STIM1: variants seen among roughly 807,000 people sequenced by gnomAD.
STIM1 encodes stromal interaction molecule 1.
In STIM1, 25 loss-of-function variants were observed where a neutral mutation model predicts 74.7. The observed-to-expected ratio is 0.33, with a 90% CI of 0.24 to 0.47. The LOEUF (loss-of-function observed/expected upper bound fraction) is 0.47, where lower values mean the gene tolerates loss of function less well. Ranked by LOEUF, STIM1 falls within the 20% of genes least tolerant of loss-of-function variation. The pLI, the probability that STIM1 is intolerant of heterozygous loss-of-function variation, is 1.00. For synonymous variants in STIM1, 328 were observed against 348.8 expected, an observed-to-expected ratio of 0.94 and a Z score of 0.66; for missense variants, 728 against 920.8, an observed-to-expected ratio of 0.79 and a Z score of 2.71.
At chr11:4,081,478 C>T (rs1360516218) in intron 7 of STIM1, among the ~76,000 whole-genome samples, 1 of 152,222 alleles carries the variant, frequency 6.6e-6, no homozygotes, top group Non-Finnish European at 1.5e-5. Flanking sequence ...AGCCCACTTG[C>T]TCTACTCCCT....
In STIM1 at chr11:3,866,604, T is replaced by C. The variant is rs188956326; in HGVS notation, c.139+10195T>C. The stretch of plus-strand genomic sequence containing the variant: ...ACCATGCCCAGCTAATTTTTGTATA[T>C]TTAGTAGAGACGGGGTTTCACCATG... On this transcript the variant is annotated intron_variant, in intron 1 of 12. Transcript: ENST00000526596. 4.6e-5 allele frequency among the ~76,000 whole-genome samples: 7 copies of C among 152,164 alleles called. No individual in the cohort carries two copies. In the East Asian group the frequency reaches 1.4e-3, roughly 29 times the overall value.
intron 1 of STIM1, among the ~76,000 whole-genome samples, chr11:3,864,930 C>T (rs1210444669): frequency 6.6e-6 from 1 of 152,160 alleles, no homozygotes; most frequent in East Asian, 1.9e-4. Flanking sequence ...CATGACCTAT[C>T]CTTTTTTCCT....
chr11:3,900,337 C>T (rs1030804914), intron 1 of STIM1, among the ~76,000 whole-genome samples: 1 of 152,172 alleles, frequency 6.6e-6, no homozygotes, highest in African/African-American at 2.4e-5. Context: ...TGCCGTCTGT[C>T]GTCCCTTTCT....
At chr11:4,006,619 G>C (rs2093784218) in intron 2 of STIM1, among the ~76,000 whole-genome samples, 1 of 152,130 alleles carries the variant, frequency 6.6e-6, no homozygotes, top group African/African-American at 2.4e-5. Flanking sequence ...TGACCATGTT[G>C]GCCAGGCTGG....
At position 3,989,364 on chromosome 11, in the gene STIM1, C is replaced by T. The variant is rs1202344442; in HGVS notation, c.270+21682C>T. ...CTGCTGCCTTTTTCGGCTTCGCTTC[C>T]ACTTTTGCAGGAGCAGGTTTAGCAG... On this transcript the variant is annotated intron_variant, in intron 2 of 12. Transcript: ENST00000526596. 3.8e-6 allele frequency: 3 copies of T among 790,196 alleles called. No homozygotes were observed. The African/African-American group carries it at 5.1e-5, about 13-fold the overall frequency. The allele number at this position is 790,196 out of a possible 1,614,324, so 48.9% of individuals were successfully genotyped here.
rs1278543176 is a variant in STIM1 at position 3,953,266 on chromosome 11, T to C, written c.140-14286T>C. ...TTCTAATGAGAAAGAGGTTTTTGGCTAGTTTGTTTCAGGAGGTTGAACACT... is the reference window on the plus strand; with the variant it reads ...TTCTAATGAGAAAGAGGTTTTTGGCCAGTTTGTTTCAGGAGGTTGAACACT... On this transcript the variant is annotated intron_variant, in intron 1 of 12. Transcript: ENST00000526596. 2.0e-5 allele frequency among the ~76,000 whole-genome samples: 3 copies of C among 152,222 alleles called. No homozygotes were observed. In the East Asian group the frequency reaches 5.8e-4, roughly 29 times the overall value.
chr11:3,989,377 G>A, intron 2 of STIM1: 1 of 776,098 alleles, frequency 1.3e-6, no homozygotes, highest in South Asian at 1.3e-5. Context: ...TTTTGCAGGA[G>A]CAGGTTTAGC....
chr11:3,994,832 T>C (rs1236822048), intron 2 of STIM1, among the ~76,000 whole-genome samples: 1 of 152,188 alleles, frequency 6.6e-6, no homozygotes, highest in East Asian at 1.9e-4. Flanking sequence ...TTTTTCTTCA[T>C]TCCTTTTTCT....
chr11:3,885,517 A>G (rs560603123), intron 1 of STIM1, among the ~76,000 whole-genome samples: 29 of 152,358 alleles, frequency 1.9e-4, no homozygotes, highest in African/African-American at 7.0e-4. Context: ...GCTGAGAACT[A>G]TTGGTTTAAC....
chr11:3,862,874 A>G (rs558341887), intron 1 of STIM1, among the ~76,000 whole-genome samples: 53 of 150,718 alleles, frequency 3.5e-4, no homozygotes, highest in African/African-American at 1.3e-3. Flanking sequence ...GTACACACAC[A>G]CACACGCACA....
At chr11:4,075,929 C>T (rs980812416) in intron 7 of STIM1, among the ~76,000 whole-genome samples, 18 of 151,940 alleles carry the variant, frequency 1.2e-4, no homozygotes, top group Non-Finnish European at 1.9e-4. Context: ...TTTCATTTCC[C>T]TAATATTATT....
chr11:4,090,971 C>T (rs1202499919), intron 12 of STIM1, among the ~76,000 whole-genome samples: 1 of 152,000 alleles, frequency 6.6e-6, no homozygotes, highest in Non-Finnish European at 1.5e-5. Flanking sequence ...CTTCTTTCTA[C>T]CTGCTTATCC....
chr11:3,859,377 C>A (rs1193914418), intron 1 of STIM1, among the ~76,000 whole-genome samples: 1 of 152,156 alleles, frequency 6.6e-6, no homozygotes, highest in Non-Finnish European at 1.5e-5. Flanking sequence ...AAGATCTGTG[C>A]CTGCCTGTGC....
chr11:4,013,359 T>C (rs544200978), intron 2 of STIM1, among the ~76,000 whole-genome samples: 22 of 152,288 alleles, frequency 1.4e-4, no homozygotes, highest in African/African-American at 5.1e-4. Flanking sequence ...GTCCTGGACT[T>C]TTCTTGGTTG....
intron 1 of STIM1, among the ~76,000 whole-genome samples, chr11:3,895,726 C>CT (rs1431333385): frequency 2.1e-4 from 8 of 38,710 alleles, no homozygotes; most frequent in African/African-American, 6.7e-4. Flanking sequence ...TTCTTTCTTT[C>CT]TTTCTTTCTT....
intron 1 of STIM1, among the ~76,000 whole-genome samples, chr11:3,922,273 G>A (rs2092726990): frequency 6.6e-6 from 1 of 151,984 alleles, no homozygotes; most frequent in Admixed American, 6.6e-5. Context: ...AGTGACTAAT[G>A]TATAGAGCAT....
rs377284372 is a variant in STIM1 at position 4,010,490 on chromosome 11, A to T, written c.271-13383A>T. 2.0e-3 allele frequency among the ~76,000 whole-genome samples: 312 copies of T among 152,230 alleles called. 4 individuals carry two copies. Among genetic ancestry groups the T allele is most frequent in the African/African-American group, 7.1e-3 (295 of 41,548 alleles). On this transcript the variant is annotated intron_variant, in intron 2 of 12. Transcript: ENST00000526596. ...CCGGCCAAAATTTTATGATTTTTAA[A>T]TTTAGGTTCAACTTTTCAAAATGCT...
At chr11:3,963,692 C>T (rs369514381) in intron 1 of STIM1, among the ~76,000 whole-genome samples, 1 of 152,188 alleles carries the variant, frequency 6.6e-6, no homozygotes, top group Non-Finnish European at 1.5e-5. Flanking sequence ...CTGTTGGGGA[C>T]ATGGTACCAA....
intron 4 of STIM1, chr11:4,058,730 A>T (rs1040478927): frequency 8.5e-6 from 8 of 943,236 alleles, no homozygotes; most frequent in Non-Finnish European, 1.0e-5. Flanking sequence ...CAGTGACTCA[A>T]ATACAAGCTA....
Sources: allele counts gnomAD v4.1 joint callset (sites outside exome capture counted in the v4.1 genomes callset), GRCh38; gene constraint gnomAD v4.1.1; transcripts MANE v1.5; gene names NCBI Gene and HGNC (gene_info 2026-07-23, HGNC 2026-07-21).